The following ITSN1 variants were observed in gnomAD, a reference collection of about 807,000 sequenced individuals.
ITSN1 encodes the protein intersectin-1.
A neutral mutation model predicts 239.8 loss-of-function variants in ITSN1; 58 were observed. That is an observed-to-expected ratio of 0.24 (90% CI 0.20 to 0.30). The LOEUF (loss-of-function observed/expected upper bound fraction) is 0.30. Ranked by LOEUF, ITSN1 falls within the 10% of genes least tolerant of loss-of-function variation. The pLI, the probability that ITSN1 is intolerant of heterozygous loss-of-function variation, is 1.00. For missense variants in ITSN1, 1,558 were observed against 2,103.3 expected (o/e 0.74, Z 5.07); for synonymous variants, 780 against 770.8 (o/e 1.01, Z -0.20).
intron 1 of ITSN1, among the ~76,000 whole-genome samples, chr21:33,652,203 C>T (rs144400549): frequency 1.3e-5 from 2 of 152,142 alleles, no homozygotes; most frequent in Non-Finnish European, 1.5e-5. Flanking sequence ...GGTGGCAGGA[C>T]GGTCCAGGGC....
At chr21:33,732,393 C>T (rs1380643911) in intron 4 of ITSN1, among the ~76,000 whole-genome samples, 1 of 152,002 alleles carries the variant, frequency 6.6e-6, no homozygotes, top group Non-Finnish European at 1.5e-5. Flanking sequence ...TTTGAAATGC[C>T]CTTGGCTGAG....
chr21:33,734,754 T>C (rs77169277), intron 4 of ITSN1, among the ~76,000 whole-genome samples: 1,759 of 152,310 alleles, frequency 0.012, 44 homozygotes, highest in African/African-American at 0.041. Context: ...TTTTAGAATG[T>C]TTTCATCACT....
chr21:33,680,584 G>A (rs2090889405), intron 1 of ITSN1, among the ~76,000 whole-genome samples: 1 of 151,988 alleles, frequency 6.6e-6, no homozygotes, highest in African/African-American at 2.4e-5. Flanking sequence ...ACCCACCTCA[G>A]CCTCCCAAAG....
intron 29 of ITSN1, among the ~76,000 whole-genome samples, chr21:33,849,297 G>A (rs1171447912): frequency 1.3e-5 from 2 of 151,616 alleles, no homozygotes; most frequent in Non-Finnish European, 2.9e-5. Flanking sequence ...TGGGCACAGT[G>A]GCTCATGCCT....
intron 24 of ITSN1, among the ~76,000 whole-genome samples, chr21:33,822,462 T>C (rs1177983752): frequency 6.6e-6 from 1 of 152,104 alleles, no homozygotes; most frequent in Non-Finnish European, 1.5e-5. Context: ...AAGCCTAGGA[T>C]AAAATGGAGA....
At chr21:33,679,986 C>T (rs1297717159) in intron 1 of ITSN1, among the ~76,000 whole-genome samples, 2 of 152,108 alleles carry the variant, frequency 1.3e-5, no homozygotes, top group African/African-American at 4.8e-5. Flanking sequence ...GCGTGAGACA[C>T]CGCGCCCAGC....
intron 9 of ITSN1, among the ~76,000 whole-genome samples, chr21:33,763,444 A>T (rs370140621): frequency 2.0e-5 from 3 of 151,898 alleles, no homozygotes; most frequent in Non-Finnish European, 4.4e-5. Context: ...TTGTTGGGGG[A>T]TGTCCTGTAT....
intron 20 of ITSN1, among the ~76,000 whole-genome samples, chr21:33,805,738 C>T (rs1465297732): frequency 6.6e-6 from 1 of 151,612 alleles, no homozygotes; most frequent in Admixed American, 6.6e-5. Flanking sequence ...GTGGCGCGAT[C>T]TCGGTTCCCT....
intron 21 of ITSN1, 55 bp downstream of exon 21, chr21:33,811,277 C>T (rs927523905): frequency 1.9e-5 from 28 of 1,464,830 alleles, no homozygotes; most frequent in African/African-American, 1.6e-4. Flanking sequence ...TTGATCATTT[C>T]CCCCCCACCC....
intron 9 of ITSN1, 101 bp from the exon 10 acceptor site, chr21:33,765,774 G>T (rs2068679843): frequency 1.7e-6 from 2 of 1,201,034 alleles, no homozygotes; most frequent in Non-Finnish European, 2.4e-6. Flanking sequence ...GACTCAGTTG[G>T]CCTGTGGTCA....
In ITSN1 at chr21:33,761,938, C is replaced by T; in HGVS notation, c.740C>T (p.Thr247Ile). The change falls in exon 9 of 40, where the codon ACT (threonine) becomes ATT (isoleucine). Residue 247 changes from threonine to isoleucine, a missense_variant. Transcript: ENST00000381318. ...SGHLTGPQAR[T>I]ILMQSSLPQA... ...TCCTGTTTAGGTCCCCAAGCAAGAA[C>T]TATTCTTATGCAGTCAAGTTTACCA... The T allele has an allele frequency of 6.2e-7, 1 of 1,613,560 alleles. No individual in the cohort carries two copies. The highest frequency in any genetic ancestry group is 8.5e-7 in the Non-Finnish European group (1 of 1,179,514).
intron 27 of ITSN1, 99 bp from the exon 28 acceptor site, chr21:33,834,208 A>G (rs2074468686): frequency 1.3e-6 from 1 of 793,006 alleles, no homozygotes; most frequent in Non-Finnish European, 2.1e-6. Context: ...TTTGTTTTTC[A>G]GTTATATGTA....
At chr21:33,690,537 T>C (rs1470161692) in intron 1 of ITSN1, among the ~76,000 whole-genome samples, 1 of 150,164 alleles carries the variant, frequency 6.7e-6, no homozygotes, top group East Asian at 2.0e-4. Flanking sequence ...GAGGCAGAGC[T>C]TGCAGTGAGC....
At position 33,775,067 on chromosome 21, in the gene ITSN1, T is replaced by C. The variant is rs1339356051; in HGVS notation, c.1555T>C (p.Leu519=). The C allele has an allele frequency of 3.7e-6, 6 of 1,613,688 alleles. No individual in the cohort carries two copies. Among genetic ancestry groups the C allele is most frequent in the Non-Finnish European group, 5.1e-6 (6 of 1,179,892 alleles). Residue 519 remains leucine (L), a synonymous_variant, in exon 14 of 40, where the codon TTG becomes CTG. Coordinates refer to ENST00000381318, the MANE Select transcript of ITSN1 (RefSeq NM_003024.3). ...TGAGAGCACAAACAAATCTAGAGAG[T>C]TGAGAATTGCCGAAATCACCCATCT... is the stretch of plus-strand genomic sequence containing the variant. ...EIESTNKSRE[L]RIAEITHLQQ...
intron 26 of ITSN1, among the ~76,000 whole-genome samples, chr21:33,827,642 T>C (rs1465236940): frequency 2.0e-5 from 3 of 152,172 alleles, no homozygotes; most frequent in Non-Finnish European, 4.4e-5. Flanking sequence ...TCGGTACACA[T>C]TGAAGGTACA....
chr21:33,672,609 C>T (rs2090354866), intron 1 of ITSN1, among the ~76,000 whole-genome samples: 1 of 152,134 alleles, frequency 6.6e-6, no homozygotes, highest in African/African-American at 2.4e-5. Flanking sequence ...ACTGTATGAC[C>T]CAGCAATCCC....
At chr21:33,644,530 G>A (rs2087750595) in intron 1 of ITSN1, among the ~76,000 whole-genome samples, 1 of 152,082 alleles carries the variant, frequency 6.6e-6, no homozygotes, top group Admixed American at 6.5e-5. Flanking sequence ...GAGTAAGAGA[G>A]GAAATGAACA....
At chr21:33,796,284 T>C (rs777478223) in intron 17 of ITSN1, among the ~76,000 whole-genome samples, 14 of 152,158 alleles carry the variant, frequency 9.2e-5, no homozygotes, top group Non-Finnish European at 1.3e-4. Context: ...GTTTTTATTA[T>C]GGTTTTTTTG....
At chr21:33,844,737 G>A (rs1003437127) in intron 29 of ITSN1, among the ~76,000 whole-genome samples, 2 of 152,086 alleles carry the variant, frequency 1.3e-5, no homozygotes, top group African/African-American at 4.8e-5. Context: ...CAGCAGAGGG[G>A]ACCAGGCCAG....
Sources: gnomAD v4.1 joint callset for allele counts (sites outside exome capture counted in the v4.1 genomes callset) on GRCh38, gnomAD v4.1.1 for gene constraint, MANE v1.5 for transcripts, NCBI Gene and HGNC (gene_info 2026-07-23, HGNC 2026-07-21) for gene names.